ZNF143: variants seen among roughly 807,000 people sequenced by gnomAD.
ZNF143 encodes the protein zinc finger protein 143, also known as SPH-binding factor.
Under a neutral mutation model 74.1 loss-of-function variants are expected in ZNF143, and 49 were observed. The ratio of observed to expected loss-of-function variants is 0.66; its 90% CI spans 0.53 to 0.84. ZNF143 has a LOEUF of 0.84. ZNF143 is among the 40% of genes least tolerant of loss of function. The pLI, the probability that ZNF143 is intolerant of heterozygous loss-of-function variation, is 0.00. For missense variants in ZNF143, 637 were observed against 793.4 expected (o/e 0.80, Z 2.37); for synonymous variants, 304 against 282.8 (o/e 1.07, Z -0.75).
chr11:9,527,825 A>G lies in ZNF143; in HGVS notation c.*212A>G. 1 of 476,988 alleles carries G rather than the reference A, an allele frequency of 2.1e-6. No homozygotes were observed. The allele number at this position is 476,988 out of a possible 1,614,324, so 29.5% of individuals were successfully genotyped here. ...CAGAGTGATTCATTGTGTACAAGGA[A>G]GTATGAAATTAGGGCAATACAGTAA... On this transcript the variant is annotated 3_prime_UTR_variant, in exon 16 of 16. Coordinates refer to ENST00000396602, the MANE Select transcript of ZNF143 (RefSeq NM_003442.6).
intron 5 of ZNF143, among the ~76,000 whole-genome samples, chr11:9,475,955 T>C (rs1440793939): frequency 6.6e-6 from 1 of 151,270 alleles, no homozygotes; most frequent in Non-Finnish European, 1.5e-5. Flanking sequence ...TGTGTGTGTG[T>C]ATAAAATTTT....
intron 7 of ZNF143, among the ~76,000 whole-genome samples, chr11:9,486,943 C>A (rs1300014998): frequency 1.4e-5 from 2 of 147,308 alleles, no homozygotes; most frequent in African/African-American, 5.1e-5. Flanking sequence ...GCTGGGATTA[C>A]AGGCGTGAGC....
chr11:9,464,312 G>A (rs533682321), intron 1 of ZNF143, among the ~76,000 whole-genome samples: 73 of 152,056 alleles, frequency 4.8e-4, no homozygotes, highest in African/African-American at 1.4e-3. Context: ...TTAGAAAAAC[G>A]TTTGTAGGCC....
In ZNF143 at chr11:9,527,710, A is replaced by G; in HGVS notation, c.*97A>G. On this transcript the variant is annotated 3_prime_UTR_variant, in exon 16 of 16. Transcript: ENST00000396602. ...GGCCCAGGAAAATTAGAAGTTTTCC[A>G]TTCCTGATACACTGTACACATTTTT... 9.1e-7 allele frequency: 1 copy of G among 1,095,820 alleles called. No homozygotes were observed. 67.9% of individuals were successfully genotyped at this position (1,095,820 alleles called of 1,614,324 possible).
intron 7 of ZNF143, among the ~76,000 whole-genome samples, chr11:9,483,539 G>A (rs918304240): frequency 2.7e-5 from 4 of 148,782 alleles, no homozygotes; most frequent in Non-Finnish European, 5.9e-5. Context: ...ATTGTGATCC[G>A]CCCACTTGGC....
At chr11:9,474,778 AT>A (rs1456778251) in intron 5 of ZNF143, 145 bp downstream of exon 5, 38 of 883,834 alleles carry the variant, frequency 4.3e-5, no homozygotes, top group African/African-American at 2.9e-4. Flanking sequence ...TTTAAGCATG[AT>A]TTAAGGAAAA....
At chr11:9,477,858 C>T (rs1240884187) in intron 5 of ZNF143, among the ~76,000 whole-genome samples, 1 of 151,972 alleles carries the variant, frequency 6.6e-6, no homozygotes, top group East Asian at 1.9e-4. Flanking sequence ...GGGACTCTGG[C>T]TCTGTCGCCC....
chr11:9,482,928 T>G (rs1847305561), intron 7 of ZNF143, among the ~76,000 whole-genome samples: 2 of 151,488 alleles, frequency 1.3e-5, no homozygotes, highest in Non-Finnish European at 2.9e-5. Context: ...TTACTATTAA[T>G]TTCACCTGTT....
intron 15 of ZNF143, 147 bp downstream of exon 15, chr11:9,525,533 A>T: frequency 9.4e-7 from 1 of 1,062,648 alleles, no homozygotes; most frequent in Non-Finnish European, 1.4e-6. Flanking sequence ...AAATCGGTGT[A>T]TTTGAGGTGG....
chr11:9,511,278 A>G (rs1252354795), intron 12 of ZNF143, among the ~76,000 whole-genome samples: 1 of 142,620 alleles, frequency 7.0e-6, no homozygotes, highest in Non-Finnish European at 1.5e-5. Flanking sequence ...GGCCCGCCTA[A>G]TTTTGTGTTT....
At chr11:9,519,705 G>A (rs1589949719) in intron 14 of ZNF143, among the ~76,000 whole-genome samples, 1 of 152,096 alleles carries the variant, frequency 6.6e-6, no homozygotes, top group African/African-American at 2.4e-5. Context: ...TATGTTTGTA[G>A]ACATATACTC....
At chr11:9,511,462 A>G (rs1589935514) in intron 12 of ZNF143, among the ~76,000 whole-genome samples, 1 of 134,888 alleles carries the variant, frequency 7.4e-6, no homozygotes, top group Admixed American at 7.5e-5. Flanking sequence ...ATGCCCGGCT[A>G]TTTTTTTTTT....
At chr11:9,511,299 G>T (rs1848534789) in intron 12 of ZNF143, among the ~76,000 whole-genome samples, 1 of 147,990 alleles carries the variant, frequency 6.8e-6, no homozygotes, top group South Asian at 2.2e-4. Flanking sequence ...TTGTTTGTTT[G>T]TTTGTTTTTG....
At chr11:9,494,078 T>C (rs1383870812) in intron 7 of ZNF143, among the ~76,000 whole-genome samples, 1 of 152,164 alleles carries the variant, frequency 6.6e-6, no homozygotes, top group East Asian at 1.9e-4. Context: ...AGGTTGTTTT[T>C]CTAGAGTAGG....
chr11:9,502,241 CTTTTTTTT>C (rs1183629630), intron 11 of ZNF143, among the ~76,000 whole-genome samples: 5 of 56,968 alleles, frequency 8.8e-5, no homozygotes, highest in African/African-American at 2.1e-4. Flanking sequence ...TGGCCATATT[CTTTTTTTT>C]TTTTTTTTTT....
At chr11:9,516,444 GTTAAGCACACAAAC>G in intron 14 of ZNF143, 82 bp downstream of exon 14, 1 of 1,301,584 alleles carries the variant, frequency 7.7e-7, no homozygotes, top group Non-Finnish European at 1.0e-6. Context: ...TGGTACAACA[GTTAAGCACACAAAC>G]TTGGGAGTGA....
intron 7 of ZNF143, among the ~76,000 whole-genome samples, chr11:9,486,439 A>AT (rs1343381933): frequency 3.5e-4 from 8 of 23,134 alleles, no homozygotes; most frequent in Admixed American, 9.2e-4. Flanking sequence ...TTATATATAT[A>AT]ATATATTATA....
intron 14 of ZNF143, among the ~76,000 whole-genome samples, chr11:9,522,403 A>T (rs1396920191): frequency 2.0e-5 from 3 of 151,906 alleles, no homozygotes; most frequent in South Asian, 2.1e-4. Context: ...AAAAAAAAAA[A>T]TTTAAATTGT....
chr11:9,494,839 G>A (rs1035199455), intron 8 of ZNF143, 74 bp downstream of exon 8: 10 of 1,456,344 alleles, frequency 6.9e-6, no homozygotes, highest in East Asian at 2.4e-5. Context: ...ATATTTTTGT[G>A]TAATTCAAAT....
Sources: gnomAD v4.1 joint callset for allele counts (sites outside exome capture counted in the v4.1 genomes callset) on GRCh38, gnomAD v4.1.1 for gene constraint, MANE v1.5 for transcripts, NCBI Gene and HGNC (gene_info 2026-07-23, HGNC 2026-07-21) for gene names.